COA1: variants seen among roughly 807,000 people sequenced by gnomAD.
COA1 encodes cytochrome c oxidase assembly factor 1.
A neutral mutation model predicts 16.0 loss-of-function variants in COA1; 13 were observed. That is an observed-to-expected ratio of 0.81 (90% CI 0.53 to 1.29). The LOEUF is 1.29. Ranked by LOEUF, COA1 falls within the 50% of genes most tolerant of loss-of-function variation. The probability of loss-of-function intolerance (pLI) is 0.00; values close to 1 mark genes in which losing one functional copy is unlikely to be tolerated. For missense variants in COA1, 179 were observed against 177.0 expected, an observed-to-expected ratio of 1.01 and a Z score of -0.06; for synonymous variants, 65 against 65.7, an observed-to-expected ratio of 0.99 and a Z score of 0.05.
chr7:43,644,759 T>TGGATAGATAG (rs2088497216), intron 4 of COA1, among the ~76,000 whole-genome samples: 1 of 114,616 alleles, frequency 8.7e-6, no homozygotes, highest in Non-Finnish European at 1.8e-5. Context: ...GATAGATAGA[T>TGGATAGATAG]AGGCAGGCAG....
chr7:43,622,030 C>T (rs1035847134), intron 6 of COA1, among the ~76,000 whole-genome samples: 2 of 152,270 alleles, frequency 1.3e-5, no homozygotes, highest in East Asian at 3.9e-4. Flanking sequence ...AGTAATAGTA[C>T]CGACCTCATA....
chr7:43,686,380 C>A (rs1408825602), intron 1 of COA1, among the ~76,000 whole-genome samples: 1 of 149,028 alleles, frequency 6.7e-6, no homozygotes, highest in Non-Finnish European at 1.5e-5. Flanking sequence ...GATCTCCGCT[C>A]ACTGCAAGCT....
At chr7:43,630,219 T>C (rs1312201523) in intron 6 of COA1, among the ~76,000 whole-genome samples, 1 of 152,174 alleles carries the variant, frequency 6.6e-6, no homozygotes, top group Non-Finnish European at 1.5e-5. Context: ...AAAATAGATA[T>C]TTTCTATTTA....
chr7:43,715,586 T>C (rs749439883), intron 1 of COA1, among the ~76,000 whole-genome samples: 9 of 152,220 alleles, frequency 5.9e-5, no homozygotes, highest in Non-Finnish European at 1.0e-4. Context: ...GAATATTGCT[T>C]TCACTAATTT....
intron 6 of COA1, chr7:43,626,051 G>A (rs2084498094): frequency 6.6e-6 from 1 of 152,150 alleles, no homozygotes; most frequent in Non-Finnish European, 1.5e-5. Context: ...ATGTAAAAGT[G>A]TATGCCGAAT....
At chr7:43,630,504 G>C (rs1244096749) in intron 6 of COA1, among the ~76,000 whole-genome samples, 4 of 152,058 alleles carry the variant, frequency 2.6e-5, no homozygotes, top group Non-Finnish European at 5.9e-5. Flanking sequence ...TAAAGTATTT[G>C]GGAAGAGATA....
chr7:43,644,823 G>GAGAGAGAGAGAGAGAGACAGAGAA (rs2088751172), intron 4 of COA1, among the ~76,000 whole-genome samples: 1 of 150,934 alleles, frequency 6.6e-6, no homozygotes, highest in Non-Finnish European at 1.5e-5. Context: ...GAGAGAGAGA[G>GAGAGAGAGAGAGAGAGACAGAGAA]AGAGAGAGAG....
At chr7:43,654,591 T>C (rs1390713884) in intron 1 of COA1, among the ~76,000 whole-genome samples, 1 of 149,870 alleles carries the variant, frequency 6.7e-6, no homozygotes, top group Non-Finnish European at 1.5e-5. Flanking sequence ...GAAAAAAAAA[T>C]CCAAATGCAT....
intron 1 of COA1, among the ~76,000 whole-genome samples, chr7:43,721,491 AAG>A (rs546242025): frequency 1.5e-3 from 235 of 152,338 alleles, no homozygotes; most frequent in African/African-American, 5.4e-3. Flanking sequence ...AAAAAAAATG[AAG>A]AGACTGTTGA....
chr7:43,610,702 C>A (rs2082787670), intron 6 of COA1, among the ~76,000 whole-genome samples: 1 of 151,948 alleles, frequency 6.6e-6, no homozygotes, highest in African/African-American at 2.4e-5. Flanking sequence ...TTCCGTAATA[C>A]CTTTGTTTAT....
At chr7:43,710,375 A>AAAAAATATATATATATATAT (rs761592421) in intron 1 of COA1, among the ~76,000 whole-genome samples, 1 of 36,432 alleles carries the variant, frequency 2.7e-5, no homozygotes, top group Non-Finnish European at 4.7e-5. Flanking sequence ...AAAAAAAAAA[A>AAAAAATATATATATATATAT]ATATATATAT....
chr7:43,693,924 G>T (rs2094451076), intron 1 of COA1, among the ~76,000 whole-genome samples: 1 of 151,810 alleles, frequency 6.6e-6, no homozygotes, highest in Non-Finnish European at 1.5e-5. Flanking sequence ...CACCATTTTA[G>T]TCTCCTGGTT....
intron 1 of COA1, chr7:43,649,571 A>G (rs1395612181): frequency 2.0e-5 from 3 of 152,240 alleles, no homozygotes; most frequent in Non-Finnish European, 4.4e-5. Flanking sequence ...GTCAGACAGT[A>G]AGAATATAAA....
At chr7:43,610,192 A>G (rs1215404789) in intron 6 of COA1, among the ~76,000 whole-genome samples, 2 of 151,716 alleles carry the variant, frequency 1.3e-5, no homozygotes, top group Non-Finnish European at 2.9e-5. Context: ...TAAAAATACA[A>G]AAAAATTAGC....
At chr7:43,622,214 T>G (rs1410574617) in intron 6 of COA1, 1 of 152,252 alleles carries the variant, frequency 6.6e-6, no homozygotes, top group East Asian at 1.9e-4. Context: ...ATGCTATGCA[T>G]TTCATTTTTA....
At chr7:43,644,781 GGCAGGCAGGC>G (rs1385734203) in intron 4 of COA1, among the ~76,000 whole-genome samples, 5 of 120,988 alleles carry the variant, frequency 4.1e-5, no homozygotes, top group African/African-American at 1.7e-4. Flanking sequence ...CAGGCAGGCA[GGCAGGCAGGC>G]AGAGAGACAG....
At chr7:43,708,193 C>T (rs993235498) in intron 1 of COA1, among the ~76,000 whole-genome samples, 62 of 152,086 alleles carry the variant, frequency 4.1e-4, no homozygotes, top group African/African-American at 1.4e-3. Context: ...AACAGAGCAA[C>T]ACTCCGTCTC....
intron 6 of COA1, chr7:43,632,705 A>C (rs928233477): frequency 6.6e-6 from 1 of 152,070 alleles, no homozygotes; most frequent in Non-Finnish European, 1.5e-5. Context: ...ATGAGTAGCA[A>C]TATTTTGGTT....
chr7:43,642,898 A>AT (rs2087565340), intron 4 of COA1, among the ~76,000 whole-genome samples: 2 of 152,346 alleles, frequency 1.3e-5, no homozygotes, highest in African/African-American at 4.8e-5. Flanking sequence ...GGAATTTGGG[A>AT]TAAGAGGGCA....
Sources: allele counts gnomAD v4.1 joint callset (sites outside exome capture counted in the v4.1 genomes callset), GRCh38; gene constraint gnomAD v4.1.1; transcripts MANE v1.5; gene names NCBI Gene and HGNC (gene_info 2026-07-23, HGNC 2026-07-21).